The following PTPRU variants were observed in gnomAD, a reference collection of about 807,000 sequenced individuals.
PTPRU encodes receptor-type tyrosine-protein phosphatase U.
In PTPRU, 69 loss-of-function variants were observed where a neutral mutation model predicts 166.3. The observed-to-expected ratio is 0.41, with a 90% CI of 0.34 to 0.51. The LOEUF (loss-of-function observed/expected upper bound fraction) is 0.51, where lower values mean the gene tolerates loss of function less well. Ranked by LOEUF, PTPRU falls within the 20% of genes least tolerant of loss-of-function variation. The pLI is 0.09. For missense variants in PTPRU, 1,657 were observed against 2,013.7 expected (o/e 0.82, Z 3.39); for synonymous variants, 793 against 814.0 (o/e 0.97, Z 0.44).
chr1:29,305,393 C>T lies in PTPRU; in HGVS notation c.2785C>T (p.Pro929Ser), dbSNP rs1283621509. The T allele has an allele frequency of 6.2e-7, 1 of 1,613,986 alleles. No individual in the cohort carries two copies. The highest frequency in any genetic ancestry group is 8.5e-7 in the Non-Finnish European group (1 of 1,180,032). ...GAAACTGCACCCGATGCTGGGAGAC[C>T]CCAATGCCGACTACATTAATGCCAA... ...RVKLHPMLGDPNADYINANYI... is the reference protein window; with the variant it reads ...RVKLHPMLGDSNADYINANYI... The change falls in exon 18 of 30, where the codon CCC (proline) becomes TCC (serine). Residue 929 changes from proline to serine, a missense_variant. Physicochemically the swap from Pro to Ser is moderately conservative, Grantham distance 74. Around this residue, in one of 3 missense-constraint regions of PTPRU, gnomAD observed 1,190 missense variants for 1,477.4 expected, o/e 0.81. Transcript: ENST00000373779.
At position 29,257,966 on chromosome 1, in the gene PTPRU, AT is replaced by A. The variant is rs5773239; in HGVS notation, c.206-529del. 6.7e-6 allele frequency among the ~76,000 whole-genome samples: 1 copy of A among 150,308 alleles called. No homozygotes were observed. The highest frequency in any genetic ancestry group is 2.4e-5 in the African/African-American group (1 of 40,846). On this transcript the variant is annotated intron_variant, in intron 2 of 29. Coordinates refer to ENST00000373779, the MANE Select transcript of PTPRU (RefSeq NM_133178.4). This position sits in a 1 kb window ranked among gnomAD's most constrained non-coding sequence, Gnocchi z 4.6. ...GACCTGTAGATTGTAAGGAGCCATA[AT>A]TTTTTTTTTCTTTTTGAGACCGAGT...
chr1:29,243,002 A>G (rs1684124785), intron 1 of PTPRU, among the ~76,000 whole-genome samples: 1 of 151,824 alleles, frequency 6.6e-6, no homozygotes, highest in Admixed American at 6.6e-5. Flanking sequence ...GGTTCAAGCA[A>G]TTCTTCAGCC....
Position 29,311,889 on chromosome 1 carries a change from C to A in PTPRU, c.3072+130C>A. ...ACTGCCCATCCCAGCAAGGAAGCTACTTGGTCACTGTTGGCTGGGAGCACT... is the reference window on the plus strand; with the variant it reads ...ACTGCCCATCCCAGCAAGGAAGCTAATTGGTCACTGTTGGCTGGGAGCACT... On this transcript the variant is annotated intron_variant, in intron 21 of 29. Transcript: ENST00000373779. The surrounding 1 kb of genome is among the most constrained non-coding windows in gnomAD (Gnocchi z 4.1). The A allele has an allele frequency of 1.1e-6, 1 of 934,406 alleles. No homozygotes were observed. Among genetic ancestry groups the A allele is most frequent in the Admixed American group, 2.2e-5 (1 of 45,590 alleles). The allele number at this position is 934,406 out of a possible 1,614,324, so 57.9% of individuals were successfully genotyped here. A position where few individuals can be genotyped will look rare whatever the true frequency, so the allele number is the denominator to read the frequency against.
chr1:29,258,752 C>A lies in PTPRU; in HGVS notation c.453C>A (p.Ser151Arg). 2 of 1,590,174 alleles carry A rather than the reference C, an allele frequency of 1.3e-6. No homozygotes were observed. The highest frequency in any genetic ancestry group is 2.3e-5 in the South Asian group (2 of 87,466). The stretch of plus-strand genomic sequence containing the variant: ...GGCACCAGGCTGAGCTGGCTGTCAG[C>A]ACTTTCTGGCCCAATGAATATCAGG... The part of the protein sequence containing the change: ...RQWHQAELAV[S>R]TFWPNEYQVL... The change falls in exon 3 of 30, where the codon AGC becomes AGA. Residue 151 changes from serine (S) to arginine (R), a missense_variant. Coordinates refer to ENST00000373779, the MANE Select transcript of PTPRU (RefSeq NM_133178.4).
At chr1:29,305,812 G>A (rs542048141) in intron 18 of PTPRU, among the ~76,000 whole-genome samples, 7 of 152,280 alleles carry the variant, frequency 4.6e-5, no homozygotes, top group Admixed American at 1.3e-4. Flanking sequence ...CAGGAGTGGG[G>A]GCTTTTTCCT....
chr1:29,250,611 T>C (rs1684506201), intron 1 of PTPRU, among the ~76,000 whole-genome samples: 1 of 152,188 alleles, frequency 6.6e-6, no homozygotes, highest in African/African-American at 2.4e-5. Flanking sequence ...AGCCCCTTCA[T>C]AGAGGTATTG....
At chr1:29,321,507 T>C (rs6657608) in intron 26 of PTPRU, among the ~76,000 whole-genome samples, 59,634 of 152,090 alleles carry the variant, frequency 0.39, 11,844 homozygotes, top group East Asian at 0.54. Flanking sequence ...GGCAGAGCTG[T>C]GCTCCCCAGC....
rs370446021 is a variant in PTPRU at position 29,258,558 on chromosome 1, G to C, written c.259G>C (p.Val87Leu). 49 of 1,614,100 alleles carry C rather than the reference G, an allele frequency of 3.0e-5. No individual in the cohort carries two copies. The African/African-American group carries it at 6.1e-4, about 20-fold the overall frequency. The change falls in exon 3 of 30, where the codon GTC becomes CTC. Residue 87 changes from valine to leucine, a missense_variant. Val to Leu is a conservative substitution (Grantham distance 32, BLOSUM62 1). Coordinates refer to ENST00000373779, the MANE Select transcript of PTPRU (RefSeq NM_133178.4). ...GCATGCCCCAGGCCAGCGAGCCCAT[G>C]TCATCTTCCAGAGCCTGAGCGAGAA... Reference protein sequence around the residue: ...SQHAPGQRAHVIFQSLSENDT... With the variant: ...SQHAPGQRAHLIFQSLSENDT...
intron 28 of PTPRU, 82 bp downstream of exon 28, chr1:29,323,870 T>C: frequency 6.7e-7 from 1 of 1,490,492 alleles, no homozygotes; most frequent in Non-Finnish European, 9.0e-7. Context: ...GTGCCAGCTT[T>C]GGCTGGACTG....
chr1:29,272,641 T>C (rs1334688919), intron 7 of PTPRU, among the ~76,000 whole-genome samples: 1 of 152,040 alleles, frequency 6.6e-6, no homozygotes, highest in Non-Finnish European at 1.5e-5. Flanking sequence ...GTGCGGTGGC[T>C]CAAGCCTGTA....
intron 1 of PTPRU, among the ~76,000 whole-genome samples, chr1:29,246,190 A>G (rs1028032797): frequency 6.6e-6 from 1 of 152,190 alleles, no homozygotes; most frequent in African/African-American, 2.4e-5. Flanking sequence ...TGCACTGGAT[A>G]TGTGCCTCAT....
Position 29,267,403 on chromosome 1 carries a change from C to T in PTPRU, c.1144+6500C>T, listed in dbSNP as rs114890793. Among the ~76,000 whole-genome samples, 320 of 152,174 alleles carry T rather than the reference C, an allele frequency of 2.1e-3. 3 individuals carry two copies. The highest frequency in any genetic ancestry group is 6.7e-3 in the African/African-American group (277 of 41,516). ...TGGCCTGTCAGATGGTGATAAGTGC[C>T]GTGAAGAAGAAAAGCAGGGAGTGGG... On this transcript the variant is annotated intron_variant, in intron 7 of 29. Coordinates refer to ENST00000373779, the MANE Select transcript of PTPRU (RefSeq NM_133178.4).
At chr1:29,275,349 T>A in intron 7 of PTPRU, 99 bp from the exon 8 acceptor site, 1 of 1,313,480 alleles carries the variant, frequency 7.6e-7, no homozygotes, top group Non-Finnish European at 1.0e-6. Flanking sequence ...AATGGAGGGA[T>A]GATTTCAGGC....
chr1:29,260,518 G>A lies in PTPRU; in HGVS notation c.851-92G>A, dbSNP rs370254854. 254 of 985,738 alleles carry A rather than the reference G, an allele frequency of 2.6e-4. No homozygotes were observed. In the African/African-American group the frequency reaches 3.9e-3, roughly 15 times the overall value. The allele number at this position is 985,738 out of a possible 1,614,324, so 61.1% of individuals were successfully genotyped here. A position where few individuals can be genotyped will look rare whatever the true frequency, so the allele number is the denominator to read the frequency against. ...CAGCGTGAGAGGCCCTAGGAGGACG[G>A]AGAGGGATTTGGGTGTGGTGGAACT... is the stretch of plus-strand genomic sequence containing the variant. On this transcript the variant is annotated intron_variant, in intron 6 of 29. Coordinates refer to ENST00000373779, the MANE Select transcript of PTPRU (RefSeq NM_133178.4). This position sits in a 1 kb window ranked among gnomAD's most constrained non-coding sequence, Gnocchi z 8.3.
At chr1:29,243,561 G>A (rs1684150984) in intron 1 of PTPRU, among the ~76,000 whole-genome samples, 2 of 152,222 alleles carry the variant, frequency 1.3e-5, no homozygotes, top group African/African-American at 4.8e-5. Flanking sequence ...TACTTGTTCA[G>A]CCTTCACAGT....
intron 24 of PTPRU, 23 bp downstream of exon 24, chr1:29,316,174 T>C: frequency 1.9e-6 from 3 of 1,607,862 alleles, no homozygotes; most frequent in Non-Finnish European, 2.6e-6. Flanking sequence ...TGCGTGTGTA[T>C]AGGTGTGTGT....
chr1:29,290,846 C>T (rs1422271546), intron 14 of PTPRU, among the ~76,000 whole-genome samples: 6 of 151,256 alleles, frequency 4.0e-5, no homozygotes, highest in South Asian at 2.1e-4. Context: ...GGTGTCCCTC[C>T]CGGGTTCCAT....
At chr1:29,252,955 C>T (rs1000468495) in intron 1 of PTPRU, among the ~76,000 whole-genome samples, 2 of 152,230 alleles carry the variant, frequency 1.3e-5, no homozygotes, top group African/African-American at 2.4e-5. Flanking sequence ...ATGACTGCCT[C>T]CTCCTCCAGA....
rs1233850613 is a variant in PTPRU at position 29,279,886 on chromosome 1, CA to C, written c.1766-152del. On this transcript the variant is annotated intron_variant, in intron 10 of 29. Coordinates refer to ENST00000373779, the MANE Select transcript of PTPRU (RefSeq NM_133178.4). This position sits in a 1 kb window ranked among gnomAD's most constrained non-coding sequence, Gnocchi z 5.2. ...TGAGGTTGGGGCTGGTGCCTGAGGT[CA>C]GGGGCCAGGGTAGCTCAGGTCATGT... is the stretch of plus-strand genomic sequence containing the variant. 6.6e-6 allele frequency among the ~76,000 whole-genome samples: 1 copy of C among 152,194 alleles called. No individual in the cohort carries two copies. Among genetic ancestry groups the C allele is most frequent in the Non-Finnish European group, 1.5e-5 (1 of 68,028 alleles).
Sources: allele counts gnomAD v4.1 joint callset (sites outside exome capture counted in the v4.1 genomes callset), GRCh38; gene constraint gnomAD v4.1.1; regional missense constraint gnomAD v4.1.1; non-coding constraint Gnocchi (gnomAD v3.1); transcripts MANE v1.5; gene names NCBI Gene and HGNC (gene_info 2026-07-23, HGNC 2026-07-21).